SNTG1: variants seen among roughly 807,000 people sequenced by gnomAD.
SNTG1 encodes the protein gamma-1-syntrophin.
A neutral mutation model predicts 74.7 loss-of-function variants in SNTG1; 39 were observed. The observed-to-expected ratio is 0.52, with a 90% CI of 0.40 to 0.68. SNTG1 has a LOEUF of 0.68. SNTG1 is among the 30% of genes least tolerant of loss of function. The pLI is 0.00. For synonymous variants in SNTG1, 254 were observed against 217.1 expected (o/e 1.17, Z -1.49); for missense variants, 685 against 609.5 (o/e 1.12, Z -1.30).
At chr8:50,607,111 C>A (rs1006241787) in intron 13 of SNTG1, among the ~76,000 whole-genome samples, 2 of 151,750 alleles carry the variant, frequency 1.3e-5, no homozygotes, top group Non-Finnish European at 3.0e-5. Context: ...CCTTCAAGAT[C>A]GTTTCTAACT....
intron 2 of SNTG1, among the ~76,000 whole-genome samples, chr8:50,385,132 A>G (rs1046581996): frequency 6.6e-6 from 1 of 152,182 alleles, no homozygotes; most frequent in Non-Finnish European, 1.5e-5. Flanking sequence ...GCCACTTCAC[A>G]TGACAGATAT....
intron 1 of SNTG1, among the ~76,000 whole-genome samples, chr8:50,013,409 T>C (rs945216443): frequency 2.6e-5 from 4 of 152,002 alleles, no homozygotes; most frequent in African/African-American, 7.2e-5. Flanking sequence ...GATTCCTCCT[T>C]TATTTTGTAA....
intron 1 of SNTG1, among the ~76,000 whole-genome samples, chr8:50,018,623 A>G (rs1381083593): frequency 6.6e-6 from 1 of 152,066 alleles, no homozygotes; most frequent in East Asian, 1.9e-4. Context: ...TGATATCAAA[A>G]GCAAAAAAGA....
intron 17 of SNTG1, among the ~76,000 whole-genome samples, chr8:50,724,180 T>A (rs1563782857): frequency 6.6e-6 from 1 of 152,338 alleles, no homozygotes; most frequent in East Asian, 1.9e-4. Flanking sequence ...TTTTTTATAT[T>A]TGATATCAGA....
intron 12 of SNTG1, among the ~76,000 whole-genome samples, chr8:50,589,326 A>G (rs1400402346): frequency 6.6e-6 from 1 of 152,176 alleles, no homozygotes; most frequent in Non-Finnish European, 1.5e-5. Context: ...ATGGTCTAGT[A>G]AACACTCTAG....
chr8:50,361,294 T>A (rs1291628152), intron 2 of SNTG1, among the ~76,000 whole-genome samples: 1 of 152,150 alleles, frequency 6.6e-6, no homozygotes, highest in Non-Finnish European at 1.5e-5. Context: ...GGAACTCTCA[T>A]CTCCCATGGT....
intron 2 of SNTG1, among the ~76,000 whole-genome samples, chr8:50,297,032 C>A (rs2089415815): frequency 1.3e-5 from 2 of 152,078 alleles, no homozygotes; most frequent in African/African-American, 4.8e-5. Flanking sequence ...TAGTTTTTGG[C>A]ACAGATTAGA....
intron 11 of SNTG1, among the ~76,000 whole-genome samples, chr8:50,545,436 A>T (rs546569261): frequency 2.0e-5 from 3 of 149,894 alleles, no homozygotes; most frequent in African/African-American, 7.3e-5. Flanking sequence ...ATGCAAAATG[A>T]GCATATAAAT....
chr8:50,780,299 T>A (rs1489998070), intron 18 of SNTG1, among the ~76,000 whole-genome samples: 6 of 152,222 alleles, frequency 3.9e-5, no homozygotes, highest in Admixed American at 3.3e-4. Flanking sequence ...TCCTTGTACC[T>A]CTTGTAGAAT....
chr8:50,246,567 T>G (rs1000633185), intron 2 of SNTG1, among the ~76,000 whole-genome samples: 1 of 151,832 alleles, frequency 6.6e-6, no homozygotes, highest in Non-Finnish European at 1.5e-5. Flanking sequence ...ATCAGGGTCG[T>G]AAGGTGGATG....
At chr8:50,593,511 A>G (rs1343469642) in intron 13 of SNTG1, among the ~76,000 whole-genome samples, 2 of 152,136 alleles carry the variant, frequency 1.3e-5, no homozygotes, top group Non-Finnish European at 2.9e-5. Context: ...GTAGTTGTAA[A>G]AAAAACCAAA....
In SNTG1 at chr8:50,033,159, G is replaced by A. The variant is rs1436230201; in HGVS notation, c.-103+120928G>A. On this transcript the variant is annotated intron_variant, in intron 1 of 18. Transcript: ENST00000642720. Reference sequence around the variant, plus strand: ...AGACGGAGTTTCGCTCTTGTTGCCCGGGTTGGAGTGCAATGGTGCAATGGC... The same window carrying A: ...AGACGGAGTTTCGCTCTTGTTGCCCAGGTTGGAGTGCAATGGTGCAATGGC... 2.7e-5 allele frequency among the ~76,000 whole-genome samples: 4 copies of A among 150,516 alleles called. No homozygotes were observed. The South Asian group carries it at 6.3e-4, about 24-fold the overall frequency.
chr8:50,241,040 G>T (rs1358437481), intron 2 of SNTG1, among the ~76,000 whole-genome samples: 1 of 152,118 alleles, frequency 6.6e-6, no homozygotes, highest in East Asian at 1.9e-4. Context: ...AGTTTATGAG[G>T]TCATAGGATA....
At chr8:50,246,243 A>G (rs2086392732) in intron 2 of SNTG1, among the ~76,000 whole-genome samples, 1 of 151,920 alleles carries the variant, frequency 6.6e-6, no homozygotes, top group Non-Finnish European at 1.5e-5. Context: ...GGCTATGGTA[A>G]CAATGATCCA....
At chr8:50,515,525 C>T (rs187325605) in intron 9 of SNTG1, among the ~76,000 whole-genome samples, 133 of 151,858 alleles carry the variant, frequency 8.8e-4, no homozygotes, top group African/African-American at 2.4e-3. Flanking sequence ...CCCACCCCCA[C>T]GGACCCTAGC....
intron 17 of SNTG1, among the ~76,000 whole-genome samples, chr8:50,720,812 GT>G (rs1365419098): frequency 6.6e-6 from 1 of 152,180 alleles, no homozygotes; most frequent in African/African-American, 2.4e-5. Flanking sequence ...TTTTTAACAT[GT>G]TCTATAGAAT....
intron 2 of SNTG1, among the ~76,000 whole-genome samples, chr8:50,385,407 T>C (rs556917221): frequency 1.3e-5 from 2 of 152,198 alleles, no homozygotes; most frequent in Non-Finnish European, 2.9e-5. Context: ...TCAACTGACA[T>C]CACACCACTG....
At chr8:50,786,415 T>A (rs559356734) in intron 18 of SNTG1, among the ~76,000 whole-genome samples, 2 of 152,114 alleles carry the variant, frequency 1.3e-5, no homozygotes, top group Admixed American at 1.3e-4. Flanking sequence ...GAAAACTTAA[T>A]ACTTTTAATA....
chr8:50,475,685 C>G (rs1350681125), intron 8 of SNTG1, among the ~76,000 whole-genome samples: 1 of 152,004 alleles, frequency 6.6e-6, no homozygotes, highest in Non-Finnish European at 1.5e-5. Context: ...AGAGTAATGC[C>G]TGGTAAAAGC....
Sources: allele counts gnomAD v4.1 joint callset (sites outside exome capture counted in the v4.1 genomes callset), GRCh38; gene constraint gnomAD v4.1.1; transcripts MANE v1.5; gene names NCBI Gene and HGNC (gene_info 2026-07-23, HGNC 2026-07-21).